The following PDXDC1 variants were observed in gnomAD, a reference collection of about 807,000 sequenced individuals.
The protein encoded by PDXDC1 is pyridoxal-dependent decarboxylase domain-containing protein 1.
A neutral mutation model predicts 100.1 loss-of-function variants in PDXDC1; 42 were observed. The ratio of observed to expected loss-of-function variants is 0.42; its 90% CI spans 0.33 to 0.54. The LOEUF (loss-of-function observed/expected upper bound fraction) is 0.54, where lower values mean the gene tolerates loss of function less well. Ranked by LOEUF, PDXDC1 falls within the 20% of genes least tolerant of loss-of-function variation. PDXDC1 has a pLI of 0.10. For synonymous variants in PDXDC1, 260 were observed against 371.7 expected (o/e 0.70, Z 3.46); for missense variants, 636 against 979.2 (o/e 0.65, Z 4.68).
At chr16:15,096,692 T>TTTTGG (rs1310518397) in intron 16 of PDXDC1, among the ~76,000 whole-genome samples, 4 of 152,264 alleles carry the variant, frequency 2.6e-5, no homozygotes, top group African/African-American at 9.6e-5. Context: ...TTTTGTTTTG[T>TTTTGG]TTTGGTTTGA....
rs564320930 is a variant in PDXDC1, at chr16:15,094,628, A to G, written c.1400-44251A>G. On this transcript the variant is annotated intron_variant, in intron 16 of 16. Coordinates refer to the PDXDC1 transcript ENST00000535621. ...GCACTTGTGACTGACCCAGATCTTC[A>G]CGGAGGAAAGGGGATTCGAACCCGG... is the stretch of plus-strand genomic sequence containing the variant. 2.9e-5 allele frequency: 8 copies of G among 275,630 alleles called. No individual in the cohort carries two copies. In the South Asian group the frequency reaches 3.0e-4, roughly 10 times the overall value. 17.1% of individuals were successfully genotyped at this position (275,630 alleles called of 1,614,324 possible). A position where few individuals can be genotyped will look rare whatever the true frequency, so the allele number is the denominator to read the frequency against.
chr16:15,148,941 G>C, the PDXDC1 span, among the ~76,000 whole-genome samples: 1 of 152,166 alleles, frequency 6.6e-6, no homozygotes, highest in South Asian at 2.1e-4. Flanking sequence ...CAAGTTTGGC[G>C]AGTTTGCATC....
intron 16 of PDXDC1, chr16:15,063,366 C>G: frequency 9.8e-7 from 1 of 1,019,784 alleles, no homozygotes; most frequent in Admixed American, 1.7e-5. Context: ...CTCACAAGAT[C>G]TATTACCCAA....
At chr16:14,982,782 C>T (rs1254253775) in intron 1 of PDXDC1, among the ~76,000 whole-genome samples, 2 of 152,346 alleles carry the variant, frequency 1.3e-5, no homozygotes, top group African/African-American at 4.8e-5. Flanking sequence ...TTATAATAGA[C>T]GTGTGTGGTG....
At chr16:15,017,847 AAT>A (rs1567682089) in intron 11 of PDXDC1, among the ~76,000 whole-genome samples, 1 of 151,590 alleles carries the variant, frequency 6.6e-6, no homozygotes, top group African/African-American at 2.4e-5. Flanking sequence ...GCTGGAGTGC[AAT>A]GGTGAGATGA....
chr16:15,074,561 G>T, intron 16 of PDXDC1: 1 of 454,572 alleles, frequency 2.2e-6, no homozygotes, highest in Non-Finnish European at 3.8e-6. Flanking sequence ...TTCAAGCTAT[G>T]TGACTGGCAA....
intron 13 of PDXDC1, chr16:15,025,872 C>G (rs576403428): frequency 6.6e-5 from 10 of 152,534 alleles, no homozygotes; most frequent in Admixed American, 3.3e-4. Flanking sequence ...AACAGGAACT[C>G]GCTGCTGGAT....
Position 15,047,394 on chromosome 16 carries a change from G to A in PDXDC1, c.1399+17338G>A, listed in dbSNP as rs755975025. The A allele has an allele frequency of 8.7e-5, 108 of 1,235,108 alleles. 1 individual carries two copies. The East Asian group carries it at 2.1e-3, about 24-fold the overall frequency. 76.5% of individuals were successfully genotyped at this position (1,235,108 alleles called of 1,614,324 possible). ...GCTTCCACAGCCACGTCCTGTATGC[G>A]ACGGTTCCAAGATCTCAATTCACCT... On this transcript the variant is annotated intron_variant, in intron 16 of 16. Coordinates refer to the PDXDC1 transcript ENST00000535621.
At chr16:15,032,116 A>C in intron 17 of PDXDC1, 2 of 580,764 alleles carry the variant, frequency 3.4e-6, no homozygotes, top group Non-Finnish European at 6.2e-6. Context: ...GAGTTGCTGA[A>C]TGTTCTGTCT....
At chr16:14,980,887 A>G (rs1430445517) in intron 1 of PDXDC1, among the ~76,000 whole-genome samples, 1 of 152,302 alleles carries the variant, frequency 6.6e-6, no homozygotes, top group Non-Finnish European at 1.5e-5. Context: ...GATGTAAGCC[A>G]CTGCACCCGG....
intron 16 of PDXDC1, chr16:15,094,573 G>A (rs1422429579): frequency 1.0e-5 from 4 of 393,394 alleles, no homozygotes; most frequent in Non-Finnish European, 1.8e-5. Flanking sequence ...TGGAGTCAAA[G>A]CCTCCCTCAG....
chr16:15,137,814 C>T (rs2048397839), intron 16 of PDXDC1: 2 of 1,578,626 alleles, frequency 1.3e-6, no homozygotes, highest in South Asian at 2.3e-5. Context: ...GAGTCAGGCC[C>T]AGCACACGTG....
Position 15,022,862 on chromosome 16 carries a change from T to C in PDXDC1, c.1140+108T>C, listed in dbSNP as rs1362800936. 1.4e-5 allele frequency: 12 copies of C among 886,184 alleles called. No homozygotes were observed. The South Asian group carries it at 1.7e-4, about 12-fold the overall frequency. The allele number at this position is 886,184 out of a possible 1,614,324, so 54.9% of individuals were successfully genotyped here. On this transcript the variant is annotated intron_variant, in intron 13 of 22. Coordinates refer to ENST00000396410, the MANE Select transcript of PDXDC1 (RefSeq NM_015027.4). ...TGATTTTCTCCACATTTCAGTGGAA[T>C]TGTGGCAGCTCCAGTAAAAAAACAA...
intron 12 of PDXDC1, among the ~76,000 whole-genome samples, chr16:15,020,335 A>T (rs1252226789): frequency 6.6e-6 from 1 of 152,286 alleles, no homozygotes; most frequent in African/African-American, 2.4e-5. Context: ...GTGGGTTGAA[A>T]TCTTTGTTTT....
At chr16:15,091,348 C>T (rs760693768) in intron 16 of PDXDC1, 12 of 1,590,064 alleles carry the variant, frequency 7.5e-6, no homozygotes, top group Non-Finnish European at 7.7e-6. Context: ...GGTTCTTCAA[C>T]AACTCAAAGT....
At chr16:15,132,983 T>C (rs1346287304) in intron 16 of PDXDC1, 3 of 1,526,258 alleles carry the variant, frequency 2.0e-6, no homozygotes, top group Non-Finnish European at 2.7e-6. Context: ...TGCTGTGTGA[T>C]GTGGGCATTG....
At chr16:15,029,666 A>G in intron 15 of PDXDC1, 1 of 534,016 alleles carries the variant, frequency 1.9e-6, no homozygotes, top group Non-Finnish European at 3.2e-6. Flanking sequence ...GGCAGACCAC[A>G]TGTCAGCAGT....
In PDXDC1 at chr16:15,131,512, T is replaced by C. The variant is rs2048058081; in HGVS notation, c.1400-7367T>C. ...CAGCAGGCTCCGCGGGTCCGAGCGC[T>C]TGCCCTGGGCCACGATCTCCTCGCC... On this transcript the variant is annotated intron_variant, in intron 16 of 16. Transcript: ENST00000535621. The C allele has an allele frequency of 1.4e-5, 22 of 1,608,604 alleles. No homozygotes were observed. In the East Asian group the frequency reaches 4.7e-4, roughly 34 times the overall value.
At chr16:15,140,879 C>T (rs1598291893), downstream of PDXDC1, among the ~76,000 whole-genome samples, 1 of 152,144 alleles carries the variant, frequency 6.6e-6, no homozygotes, top group South Asian at 2.1e-4. Context: ...TCCCCAGGAC[C>T]CCGAGACCTC....
Sources: allele counts gnomAD v4.1 joint callset (sites outside exome capture counted in the v4.1 genomes callset), GRCh38; gene constraint gnomAD v4.1.1; transcripts MANE v1.5; gene names NCBI Gene and HGNC (gene_info 2026-07-23, HGNC 2026-07-21).